The following MED13L variants were observed in gnomAD, a reference collection of about 807,000 sequenced individuals.
MED13L encodes the protein mediator of RNA polymerase II transcription subunit 13-like.
Under a neutral mutation model 220.9 loss-of-function variants are expected in MED13L, and 7 were observed. The observed-to-expected ratio is 0.03, with a 90% CI of 0.02 to 0.06. The LOEUF (loss-of-function observed/expected upper bound fraction) is 0.06. Ranked by LOEUF, MED13L falls within the 10% of genes least tolerant of loss-of-function variation. The probability of loss-of-function intolerance (pLI) is 1.00; values close to 1 mark genes in which losing one functional copy is unlikely to be tolerated. For synonymous variants in MED13L, 1,011 were observed against 1,015.2 expected (o/e 1.00, Z 0.08); for missense variants, 1,965 against 2,760.5 (o/e 0.71, Z 6.46).
intron 3 of MED13L, among the ~76,000 whole-genome samples, chr12:116,102,656 C>G (rs991855323): frequency 2.0e-5 from 3 of 149,142 alleles, no homozygotes; most frequent in Non-Finnish European, 4.4e-5. Flanking sequence ...AATCAAGGGG[C>G]TGAAGAAACC....
chr12:116,191,142 A>G (rs1881256170), intron 2 of MED13L, among the ~76,000 whole-genome samples: 1 of 151,744 alleles, frequency 6.6e-6, no homozygotes, highest in South Asian at 2.1e-4. Context: ...TGCTTGGTTC[A>G]GTCAAGGAAC....
chr12:116,218,810 T>C (rs984841479), intron 2 of MED13L, among the ~76,000 whole-genome samples: 6 of 152,072 alleles, frequency 3.9e-5, no homozygotes, highest in Non-Finnish European at 5.9e-5. Flanking sequence ...CTCAGCTCAC[T>C]GCAGCCTCTG....
At chr12:116,164,309 T>C (rs565567140) in intron 2 of MED13L, among the ~76,000 whole-genome samples, 91 of 152,310 alleles carry the variant, frequency 6.0e-4, no homozygotes, top group Admixed American at 1.1e-3. Flanking sequence ...TCTCAAATAA[T>C]TAACTCATGA....
At chr12:116,091,035 G>A (rs1166032335) in intron 4 of MED13L, among the ~76,000 whole-genome samples, 5 of 146,792 alleles carry the variant, frequency 3.4e-5, no homozygotes, top group East Asian at 2.0e-4. Flanking sequence ...TGAGGCAGGA[G>A]AATTGCTTGA....
intron 2 of MED13L, among the ~76,000 whole-genome samples, chr12:116,183,815 T>G (rs976472107): frequency 2.1e-5 from 2 of 93,244 alleles, no homozygotes; most frequent in Admixed American, 1.1e-4. Context: ...TGTGTGTGTG[T>G]GTGTATGTGT....
At chr12:116,036,089 C>T (rs1881178906) in intron 4 of MED13L, among the ~76,000 whole-genome samples, 1 of 152,160 alleles carries the variant, frequency 6.6e-6, no homozygotes, top group South Asian at 2.1e-4. Flanking sequence ...CCATGTCTGT[C>T]CCCTGCCTTC....
At position 115,991,420 on chromosome 12, in the gene MED13L, G is replaced by C. The variant is rs781378515; in HGVS notation, c.3534C>G (p.Leu1178=). The part of the protein sequence containing the change: ...MNRKLGYNSG[L]FLEDELDIFG... ...AAATATCCAACTCATCTTCAAGGAA[G>C]AGTCCTGAATTGTAGCCAAGTTTGC... Residue 1178 remains leucine, a synonymous_variant, in exon 17 of 31, where the codon CTC becomes CTG. Transcript: ENST00000281928. The surrounding 1 kb of genome is among the most constrained non-coding windows in gnomAD (Gnocchi z 7.7). 1 of 1,614,094 alleles carries C rather than the reference G, an allele frequency of 6.2e-7. No homozygotes were observed. The highest frequency in any genetic ancestry group is 8.5e-7 in the Non-Finnish European group (1 of 1,180,022).
chr12:116,009,372 T>C (rs144895223), intron 9 of MED13L, among the ~76,000 whole-genome samples: 2 of 152,284 alleles, frequency 1.3e-5, no homozygotes, highest in Non-Finnish European at 2.9e-5. Context: ...ACATTGCTAA[T>C]CCCTACAAAT....
Position 116,254,498 on chromosome 12 carries a change from T to C in MED13L, c.73-16793A>G, listed in dbSNP as rs566623785. On this transcript the variant is annotated intron_variant, in intron 1 of 30. Transcript: ENST00000281928. ...GTGCAGTGGCTCACACCTGTAATCCTAGCACTTTGGGAAGTCAAGGCAGGC... is the reference window on the plus strand; with the variant it reads ...GTGCAGTGGCTCACACCTGTAATCCCAGCACTTTGGGAAGTCAAGGCAGGC... Among the ~76,000 whole-genome samples, 10 of 152,098 alleles carry C rather than the reference T, an allele frequency of 6.6e-5. 1 individual carries two copies. The South Asian group carries it at 2.1e-3, about 32-fold the overall frequency.
intron 1 of MED13L, among the ~76,000 whole-genome samples, chr12:116,260,305 G>C (rs2138554369): frequency 6.6e-6 from 1 of 152,244 alleles, no homozygotes; most frequent in East Asian, 1.9e-4. Flanking sequence ...AACTGGAAAG[G>C]GTCCCCACCA....
intron 4 of MED13L, among the ~76,000 whole-genome samples, chr12:116,058,848 C>A (rs1869192191): frequency 6.6e-6 from 1 of 152,172 alleles, no homozygotes; most frequent in Middle Eastern, 3.2e-3. Context: ...ATTAGTGTTT[C>A]ATGCCTTTTT....
Position 116,004,162 on chromosome 12 carries a change from G to C in MED13L, c.2470-1060C>G, listed in dbSNP as rs148000709. Among the ~76,000 whole-genome samples the C allele has an allele frequency of 2.0e-5, 3 of 152,254 alleles. No individual in the cohort carries two copies. In the East Asian group the frequency reaches 5.8e-4, roughly 29 times the overall value. On this transcript the variant is annotated intron_variant, in intron 13 of 30. Transcript: ENST00000281928. The stretch of plus-strand genomic sequence containing the variant: ...TCAGGCAGGCCACTCCAAAATGCTT[G>C]CTCTGTTCCTTTCTTTCTCCTCCTT...
intron 4 of MED13L, among the ~76,000 whole-genome samples, chr12:116,088,024 A>C (rs900977029): frequency 2.6e-5 from 4 of 152,176 alleles, no homozygotes; most frequent in Non-Finnish European, 5.9e-5. Context: ...TATGAAGAAG[A>C]TATTAAAATC....
At chr12:116,059,637 C>T (rs1869276455) in intron 4 of MED13L, among the ~76,000 whole-genome samples, 1 of 151,960 alleles carries the variant, frequency 6.6e-6, no homozygotes, top group African/African-American at 2.4e-5. Context: ...AGGCTGGTCT[C>T]GAACTCCTGA....
intron 2 of MED13L, among the ~76,000 whole-genome samples, chr12:116,223,143 A>G (rs536451129): frequency 6.6e-6 from 1 of 152,340 alleles, no homozygotes; most frequent in East Asian, 1.9e-4. Context: ...TATAACTTAC[A>G]TAAGACAGTC....
intron 2 of MED13L, among the ~76,000 whole-genome samples, chr12:116,232,837 A>G (rs1487225543): frequency 6.6e-6 from 1 of 152,200 alleles, no homozygotes; most frequent in East Asian, 1.9e-4. Context: ...CTGTAATCCC[A>G]GCACTTTGGG....
Position 116,074,304 on chromosome 12 carries a change from A to T in MED13L, c.479+22365T>A, listed in dbSNP as rs1421348705. Among the ~76,000 whole-genome samples the T allele has an allele frequency of 3.9e-5, 6 of 152,210 alleles. No individual in the cohort carries two copies. In the South Asian group the frequency reaches 1.2e-3, roughly 32 times the overall value. On this transcript the variant is annotated intron_variant, in intron 4 of 30. Coordinates refer to ENST00000281928, the MANE Select transcript of MED13L (RefSeq NM_015335.5). Reference sequence around the variant, plus strand: ...CAGCTACTTGGGAGGCTGAAGCAGGAGAATTCCTTGAACCCAGGAAGCAGA... The same window carrying T: ...CAGCTACTTGGGAGGCTGAAGCAGGTGAATTCCTTGAACCCAGGAAGCAGA...
At chr12:116,143,196 A>G (rs1475433211) in intron 2 of MED13L, among the ~76,000 whole-genome samples, 1 of 152,016 alleles carries the variant, frequency 6.6e-6, no homozygotes, top group Non-Finnish European at 1.5e-5. Context: ...ATACTAAAGG[A>G]CCTCAAGAAA....
At position 116,064,058 on chromosome 12, in the gene MED13L, C is replaced by G. The variant is rs1201625807; in HGVS notation, c.479+32611G>C. 2.0e-5 allele frequency among the ~76,000 whole-genome samples: 3 copies of G among 152,018 alleles called. No individual in the cohort carries two copies. In the East Asian group the frequency reaches 5.8e-4, roughly 30 times the overall value. On this transcript the variant is annotated intron_variant, in intron 4 of 30. Coordinates refer to ENST00000281928, the MANE Select transcript of MED13L (RefSeq NM_015335.5). ...TAAAAAAATTAGCCAGGTGTGGTGG[C>G]ACATGCCTGTAGTCCCAGCTACTCA...
Sources: gnomAD v4.1 joint callset for allele counts (sites outside exome capture counted in the v4.1 genomes callset) on GRCh38, gnomAD v4.1.1 for gene constraint, Gnocchi (gnomAD v3.1) non-coding constraint, MANE v1.5 for transcripts, NCBI Gene and HGNC (gene_info 2026-07-23, HGNC 2026-07-21) for gene names.